Variants in ZNF582 observed in about 807,000 individuals in gnomAD.
ZNF582 encodes the protein zinc finger protein 582.
Under a neutral mutation model 12.3 loss-of-function variants are expected in ZNF582, and 14 were observed. The ratio of observed to expected loss-of-function variants is 1.14; its 90% confidence interval spans 0.75 to 1.78. The LOEUF (loss-of-function observed/expected upper bound fraction) is 1.78. Ranked by LOEUF, ZNF582 falls within the 40% of genes most tolerant of loss-of-function variation. The pLI is 0.00. For synonymous variants in ZNF582, 210 were observed against 207.2 expected (o/e 1.01, Z -0.11); for missense variants, 567 against 616.5 (o/e 0.92, Z 0.85).
At chr19:56,388,325 CATATG>C (rs1488768422) in intron 4 of ZNF582, 1 of 152,170 alleles carries the variant, frequency 6.6e-6, no homozygotes, top group East Asian at 1.9e-4. Context: ...ACTATTAATC[CATATG>C]ATATAAATGA....
At chr19:56,391,747 G>C (rs760879848) in exon 2 of ZNF582, 1 of 1,613,320 alleles carries the variant, frequency 6.2e-7, no homozygotes, top group South Asian at 1.1e-5. Flanking sequence ...AACTCACAAG[G>C]GACATGACTT....
chr19:56,387,079 T>C (rs185921185), intron 4 of ZNF582, among the ~76,000 whole-genome samples: 140 of 152,370 alleles, frequency 9.2e-4, no homozygotes, highest in Non-Finnish European at 1.6e-3. Context: ...ATATAAAATG[T>C]GCACAATTAA....
At chr19:56,391,576 A>T (rs927078516) in intron 2 of ZNF582, among the ~76,000 whole-genome samples, 168 bp downstream of exon 2, 4 of 152,216 alleles carry the variant, frequency 2.6e-5, no homozygotes, top group African/African-American at 7.2e-5. Context: ...TATAGAGAAT[A>T]AATCTGTGGG....
chr19:56,388,303 A>C (rs1340811352), intron 4 of ZNF582: 3 of 152,240 alleles, frequency 2.0e-5, no homozygotes, highest in South Asian at 2.1e-4. Context: ...AATGAGAAAA[A>C]ATATGCCACC....
chr19:56,386,594 C>T (rs1296662000), intron 4 of ZNF582: 2 of 152,240 alleles, frequency 1.3e-5, no homozygotes, highest in African/African-American at 4.8e-5. Flanking sequence ...GTGATTCTAC[C>T]TGGTACATTA....
intron 4 of ZNF582, among the ~76,000 whole-genome samples, chr19:56,385,808 G>A (rs527658718): frequency 2.6e-5 from 4 of 152,274 alleles, no homozygotes; most frequent in South Asian, 2.1e-4. Context: ...TTGGTTTGAC[G>A]GACTGTGCAG....
intron 1 of ZNF582, among the ~76,000 whole-genome samples, 161 bp downstream of exon 1, chr19:56,393,059 T>C (rs1254105166): frequency 6.6e-6 from 1 of 151,852 alleles, no homozygotes; most frequent in Non-Finnish European, 1.5e-5. Context: ...CAAGTATAAG[T>C]TTTTCTAAAC....
chr19:56,389,951 G>T, intron 4 of ZNF582, 50 bp downstream of exon 4: 3 of 1,481,162 alleles, frequency 2.0e-6, no homozygotes, highest in Non-Finnish European at 2.8e-6. Context: ...CACTTCCAGC[G>T]GACCTGATAC....
At chr19:56,385,348 G>A (rs2041957857) in intron 4 of ZNF582, among the ~76,000 whole-genome samples, 164 bp from the exon 5 acceptor site, 1 of 152,140 alleles carries the variant, frequency 6.6e-6, no homozygotes, top group Non-Finnish European at 1.5e-5. Context: ...TAACATACAT[G>A]AGATGAGGGA....
At chr19:56,383,176 T>G (rs916302043) in exon 5 of ZNF582, 1 of 152,198 alleles carries the variant, frequency 6.6e-6, no homozygotes, top group Non-Finnish European at 1.5e-5. Context: ...AACCAATGGT[T>G]GTCTGTGCCA....
chr19:56,384,809 T>G, exon 5 of ZNF582: 3 of 1,598,748 alleles, frequency 1.9e-6, no homozygotes, highest in Non-Finnish European at 2.6e-6. Flanking sequence ...CTTCCCACAT[T>G]CCTTACATTT....
chr19:56,387,911 T>A (rs1366214246), intron 4 of ZNF582, among the ~76,000 whole-genome samples: 2 of 152,258 alleles, frequency 1.3e-5, no homozygotes, highest in Non-Finnish European at 2.9e-5. Flanking sequence ...TATTCTTAGT[T>A]TTAAAAAACA....
At chr19:56,393,318 G>T (rs2042033693) in exon 1 of ZNF582, 2 of 1,189,332 alleles carry the variant, frequency 1.7e-6, no homozygotes, top group Non-Finnish European at 2.2e-6. Flanking sequence ...GTCTCACGCC[G>T]GTAAAGCCAC....
At position 56,391,872 on chromosome 19, in the gene ZNF582, C is replaced by G. The variant is rs946148634; in HGVS notation, c.-80-40G>C. 1.9e-6 allele frequency: 3 copies of G among 1,567,144 alleles called. No homozygotes were observed. The African/African-American group carries it at 4.1e-5, about 21-fold the overall frequency. ...AGCAAACATGAGAGGCTAGGCTTGC[C>G]TCACAGTTCCTAGAATGCCAAGTTA... On this transcript the variant is annotated intron_variant, in intron 1 of 4. Transcript: ENST00000586929.
chr19:56,389,455 T>C (rs1306406050), intron 4 of ZNF582, among the ~76,000 whole-genome samples: 2 of 152,118 alleles, frequency 1.3e-5, no homozygotes, highest in East Asian at 3.9e-4. Context: ...TGTTCTCACT[T>C]ATAAGTGGGA....
At chr19:56,384,247 A>T (rs1160447855) in exon 5 of ZNF582, 1 of 1,613,956 alleles carries the variant, frequency 6.2e-7, no homozygotes, top group Non-Finnish European at 8.5e-7. Context: ...GTTTCTCTCC[A>T]GTGTGAATTC....
chr19:56,390,112 A>C lies in ZNF582; in HGVS notation c.137-16T>G. On this transcript the variant is annotated splice_polypyrimidine_tract_variant and intron_variant, in intron 3 of 4. Coordinates refer to ENST00000586929, the Ensembl canonical transcript of ZNF582. ...ACGGCAAGACCTGGAGATGAGAAGA[A>C]ACATGCCACCTGGTTATGGTGTGGG... The C allele has an allele frequency of 6.2e-7, 1 of 1,612,440 alleles. No individual in the cohort carries two copies. Among genetic ancestry groups the C allele is most frequent in the Non-Finnish European group, 8.5e-7 (1 of 1,178,990 alleles).
Position 56,390,960 on chromosome 19 carries a change from T to G in ZNF582, c.10-459A>C, listed in dbSNP as rs182707551. ...TTCTATCTTAGATACAGGATTTTCA[T>G]GTAAGTCAAGAATTTCTTGGAGATG... On this transcript the variant is annotated intron_variant, in intron 2 of 4. Coordinates refer to ENST00000586929, the Ensembl canonical transcript of ZNF582. 2.0e-5 allele frequency among the ~76,000 whole-genome samples: 3 copies of G among 152,360 alleles called. No individual in the cohort carries two copies. In the East Asian group the frequency reaches 5.8e-4, roughly 29 times the overall value.
chr19:56,387,296 G>C (rs570473593), intron 4 of ZNF582: 1 of 152,300 alleles, frequency 6.6e-6, no homozygotes, highest in South Asian at 2.1e-4. Context: ...CTGGGTTTTA[G>C]ATATGTTGTT....
Sources: gnomAD v4.1 joint callset for allele counts (sites outside exome capture counted in the v4.1 genomes callset) on GRCh38, gnomAD v4.1.1 for gene constraint, MANE v1.5 for transcripts, NCBI Gene and HGNC (gene_info 2026-07-23, HGNC 2026-07-21) for gene names.